Variants in HELZ observed in about 807,000 individuals in gnomAD.
HELZ encodes the protein ATP-dependent RNA helicase with zinc finger domain.
Under a neutral mutation model 218.2 loss-of-function variants are expected in HELZ, and 23 were observed. The observed-to-expected ratio is 0.11, with a 90% CI of 0.08 to 0.15. The LOEUF (loss-of-function observed/expected upper bound fraction) is 0.15. Among genes scored for constraint, HELZ ranks in the 10% least tolerant of loss-of-function variants. HELZ has a pLI of 1.00. For missense variants in HELZ, 1,813 were observed against 2,353.7 expected, an observed-to-expected ratio of 0.77 and a Z score of 4.75; for synonymous variants, 814 against 829.4, an observed-to-expected ratio of 0.98 and a Z score of 0.32.
In HELZ at chr17:67,082,278, T is replaced by A. The variant is rs552304943; in HGVS notation, c.5495-3692A>T. Among the ~76,000 whole-genome samples the A allele has an allele frequency of 2.0e-5, 3 of 152,372 alleles. 1 individual carries two copies. Among genetic ancestry groups the A allele is most frequent in the East Asian group, 1.9e-4 (1 of 5,192 alleles). ...TCAGATATTTAGTGAGGTAGCTCTA[T>A]CCTTGAGTTCAAAATAAGTAAAAAA... On this transcript the variant is annotated intron_variant, in intron 32 of 32. Transcript: ENST00000358691.
intron 32 of HELZ, among the ~76,000 whole-genome samples, chr17:67,083,806 C>T (rs1039703360): frequency 1.3e-5 from 2 of 152,222 alleles, no homozygotes; most frequent in African/African-American, 4.8e-5. Context: ...TGGGTCACCC[C>T]CTTAATTGCA....
In HELZ at chr17:67,190,043, C is replaced by G; in HGVS notation, c.756+114G>C. ...ACTAAAAACATCATTCTATCAGAAT[C>G]AAGTTCTTTGCAAAGAAGATAAGGA... is the stretch of plus-strand genomic sequence containing the variant. On this transcript the variant is annotated intron_variant, in intron 10 of 32. Coordinates refer to ENST00000358691, the MANE Select transcript of HELZ (RefSeq NM_014877.4). The G allele has an allele frequency of 8.5e-6, 7 of 820,706 alleles. No individual in the cohort carries two copies. The Admixed American group carries it at 1.1e-4, about 13-fold the overall frequency. The allele number at this position is 820,706 out of a possible 1,614,324, so 50.8% of individuals were successfully genotyped here. A position where few individuals can be genotyped will look rare whatever the true frequency, so the allele number is the denominator to read the frequency against.
chr17:67,106,604 G>T (rs1428199106), intron 31 of HELZ, among the ~76,000 whole-genome samples: 1 of 152,184 alleles, frequency 6.6e-6, no homozygotes, highest in African/African-American at 2.4e-5. Flanking sequence ...ACTGCACCCG[G>T]CAGAAATATC....
At chr17:67,225,015 A>G (rs202247002) in intron 3 of HELZ, 1 of 683,866 alleles carries the variant, frequency 1.5e-6, no homozygotes, top group Non-Finnish European at 2.7e-6. Flanking sequence ...AGGAGATAAG[A>G]GAAAGGGTCA....
chr17:67,150,142 T>TC (rs775358060), intron 18 of HELZ, 157 bp from the exon 19 acceptor site: 23 of 474,908 alleles, frequency 4.8e-5, no homozygotes, highest in Middle Eastern at 5.9e-4. Flanking sequence ...TTTTTTTTTT[T>TC]TTTTTTTTTT....
chr17:67,234,020 T>C (rs907429499), intron 3 of HELZ, among the ~76,000 whole-genome samples: 6 of 123,320 alleles, frequency 4.9e-5, no homozygotes, highest in Non-Finnish European at 9.7e-5. Context: ...CACTCCAGCC[T>C]GGGCGACAGA....
chr17:67,245,338 C>A, upstream of HELZ: 2 of 708,556 alleles, frequency 2.8e-6, no homozygotes, highest in Non-Finnish European at 3.5e-6. Context: ...CCGGCGCCCG[C>A]AGCTGGCCCC....
chr17:67,098,409 C>CAGA (rs1473866837), intron 31 of HELZ, among the ~76,000 whole-genome samples: 2 of 151,946 alleles, frequency 1.3e-5, no homozygotes, highest in Non-Finnish European at 2.9e-5. Flanking sequence ...AAGTCTTTTT[C>CAGA]AATAAGAATA....
chr17:67,198,595 A>T (rs1013083780), intron 7 of HELZ, among the ~76,000 whole-genome samples: 2 of 152,216 alleles, frequency 1.3e-5, no homozygotes, highest in African/African-American at 2.4e-5. Flanking sequence ...TCAGAATCAA[A>T]TCTATTAATC....
intron 32 of HELZ, among the ~76,000 whole-genome samples, chr17:67,081,301 C>T (rs558813998): frequency 1.3e-5 from 2 of 152,288 alleles, no homozygotes; most frequent in African/African-American, 4.8e-5. Flanking sequence ...TTTGGGGTCT[C>T]TTTGGGACAA....
At chr17:67,198,310 C>T (rs1042331561) in intron 7 of HELZ, among the ~76,000 whole-genome samples, 4 of 152,190 alleles carry the variant, frequency 2.6e-5, no homozygotes, top group South Asian at 2.1e-4. Flanking sequence ...GAATCAGTGA[C>T]GACCCGCACG....
rs1043519316 is a variant in HELZ, at chr17:67,084,414, G to A, written c.5494+2415C>T. ...GCGGTGGCTCACGCCTGTAATCCCA[G>A]CACTTTGGGAGGCCGAGGCGGGCGG... On this transcript the variant is annotated intron_variant, in intron 32 of 32. Transcript: ENST00000358691. Among the ~76,000 whole-genome samples, 5 of 152,312 alleles carry A rather than the reference G, an allele frequency of 3.3e-5. No homozygotes were observed. The East Asian group carries it at 9.7e-4, about 29-fold the overall frequency.
At chr17:67,158,279 C>G in intron 17 of HELZ, among the ~76,000 whole-genome samples, 1 of 152,194 alleles carries the variant, frequency 6.6e-6, no homozygotes, top group East Asian at 1.9e-4. Flanking sequence ...TGGTCATGAG[C>G]AGACACTTAG....
chr17:67,118,792 A>G (rs2037508942), intron 27 of HELZ, among the ~76,000 whole-genome samples: 1 of 151,896 alleles, frequency 6.6e-6, no homozygotes. Flanking sequence ...TGTATAAAGA[A>G]CTCTTATAAC....
At chr17:67,087,391 T>C (rs2036426420) in intron 31 of HELZ, among the ~76,000 whole-genome samples, 1 of 152,218 alleles carries the variant, frequency 6.6e-6, no homozygotes, top group South Asian at 2.1e-4. Flanking sequence ...GGAATTGAAG[T>C]AGTTGTTTTC....
chr17:67,217,854 G>C (rs968466607), intron 4 of HELZ, among the ~76,000 whole-genome samples: 1 of 150,298 alleles, frequency 6.7e-6, no homozygotes, highest in African/African-American at 2.5e-5. Flanking sequence ...CCCCTGCCCT[G>C]TTCTCCTTTT....
intron 5 of HELZ, among the ~76,000 whole-genome samples, chr17:67,213,364 C>A (rs549733352): frequency 6.6e-6 from 1 of 152,290 alleles, no homozygotes; most frequent in African/African-American, 2.4e-5. Flanking sequence ...TGGCTCACGT[C>A]TGTAATCCCG....
intron 4 of HELZ, 116 bp from the exon 5 acceptor site, chr17:67,216,051 T>G: frequency 1.4e-6 from 1 of 703,836 alleles, no homozygotes; most frequent in Non-Finnish European, 2.6e-6. Context: ...GTTGTAAACT[T>G]ACTATTCACA....
chr17:67,172,871 G>T, intron 13 of HELZ: 1 of 175,268 alleles, frequency 5.7e-6, no homozygotes, highest in Non-Finnish European at 1.1e-5. Flanking sequence ...CTCCCGAAGT[G>T]CTAAGATTAT....
Sources: allele counts gnomAD v4.1 joint callset (sites outside exome capture counted in the v4.1 genomes callset), GRCh38; gene constraint gnomAD v4.1.1; transcripts MANE v1.5; gene names NCBI Gene and HGNC (gene_info 2026-07-23, HGNC 2026-07-21).